The following TREH variants were observed in gnomAD, a reference collection of about 807,000 sequenced individuals.
The protein encoded by TREH is alpha,alpha-trehalose glucohydrolase.
TREH carries 69 observed loss-of-function variants against 80.5 expected under a neutral mutation model. That is an observed-to-expected ratio of 0.86 (90% CI 0.71 to 1.05). The LOEUF is 1.05. Ranked by LOEUF, TREH falls within the 50% of genes least tolerant of loss-of-function variation. The probability of loss-of-function intolerance (pLI) is 0.00; values close to 1 mark genes in which losing one functional copy is unlikely to be tolerated. For missense variants in TREH, 716 were observed against 718.8 expected, an observed-to-expected ratio of 1.00 and a Z score of 0.04; for synonymous variants, 309 against 293.5, an observed-to-expected ratio of 1.05 and a Z score of -0.54.
At chr11:118,658,613 CG>C in intron 14 of TREH, 66 bp downstream of exon 14, 1 of 1,544,300 alleles carries the variant, frequency 6.5e-7, no homozygotes, top group Non-Finnish European at 8.8e-7. Flanking sequence ...AGGCCTGGGG[CG>C]GGGGTCATGA....
In TREH at chr11:118,661,241, G is replaced by C; in HGVS notation, c.776C>G (p.Thr259Ser). The C allele has an allele frequency of 3.1e-6, 5 of 1,613,960 alleles. No individual in the cohort carries two copies. Among genetic ancestry groups the C allele is most frequent in the Non-Finnish European group, 4.2e-6 (5 of 1,179,874 alleles). The change falls in exon 8 of 15, where the codon ACC becomes AGC. Residue 259 changes from threonine to serine, a missense_variant. Transcript: ENST00000264029. The surrounding 1 kb of genome is among the most constrained non-coding windows in gnomAD (Gnocchi z 4.2). ...GCTCACAGAGACAGTCCTGTTCTTG[G>C]TCCAAAAGTCCAATTCCAAGGCTAG... Reference protein sequence around the residue: ...ETLALELDFWTKNRTVSVSLE... With the variant: ...ETLALELDFWSKNRTVSVSLE...
At chr11:118,669,441 C>T (rs1227687364) in intron 1 of TREH, among the ~76,000 whole-genome samples, 1 of 152,222 alleles carries the variant, frequency 6.6e-6, no homozygotes, top group Non-Finnish European at 1.5e-5. Context: ...TTGGAAGCAA[C>T]CTAAGTGTCC....
At chr11:118,669,891 T>C (rs919843367) in intron 1 of TREH, among the ~76,000 whole-genome samples, 3 of 152,144 alleles carry the variant, frequency 2.0e-5, no homozygotes, top group Non-Finnish European at 4.4e-5. Flanking sequence ...GATAAATGCT[T>C]GAGGTGGTGG....
chr11:118,667,354 AT>A (rs11307172), intron 1 of TREH, among the ~76,000 whole-genome samples: 149,759 of 152,008 alleles, frequency 0.99, 73,781 homozygotes, highest in African/African-American at 0.99. Context: ...AATTTTTTCT[AT>A]TTTTTTTGTA....
chr11:118,668,506 GAGCCGTGATTGTGCT>G (rs1555145880), intron 1 of TREH, among the ~76,000 whole-genome samples: 1 of 120,300 alleles, frequency 8.3e-6, no homozygotes, highest in Non-Finnish European at 1.6e-5. Flanking sequence ...AGAGGTTGCA[GAGCCGTGATTGTGCT>G]GCCGTACTCC....
intron 1 of TREH, among the ~76,000 whole-genome samples, chr11:118,671,696 G>A (rs958121407): frequency 2.0e-5 from 3 of 152,026 alleles, no homozygotes; most frequent in African/African-American, 7.2e-5. Flanking sequence ...AGAACAAGAA[G>A]GTTATAGAAC....
chr11:118,658,838 C>T lies in TREH; in HGVS notation c.1545+67G>A, dbSNP rs2276063. ...GAAGCTGCTCTGCCTGCCCAGCAGCCCCTGCAGTGCTCAGGAGTGGCCACT... is the reference window on the plus strand; with the variant it reads ...GAAGCTGCTCTGCCTGCCCAGCAGCTCCTGCAGTGCTCAGGAGTGGCCACT... On this transcript the variant is annotated intron_variant, in intron 13 of 14. Transcript: ENST00000264029. 411 of 1,606,394 alleles carry T rather than the reference C, an allele frequency of 2.6e-4. 4 individuals carry two copies. The East Asian group carries it at 9.0e-3, about 35-fold the overall frequency.
intron 11 of TREH, 91 bp downstream of exon 11, chr11:118,659,656 G>A (rs573627789): frequency 1.3e-4 from 194 of 1,471,796 alleles, no homozygotes; most frequent in Non-Finnish European, 1.7e-4. Context: ...GGGCATAGCC[G>A]GAGGAAGCGC....
intron 10 of TREH, 120 bp downstream of exon 10, chr11:118,660,419 G>A (rs1433600055): frequency 1.4e-5 from 14 of 1,024,340 alleles, no homozygotes; most frequent in East Asian, 2.6e-5. Flanking sequence ...CCACTAGGGC[G>A]GGGCTCGACA....
rs782181800 is a variant in TREH, at chr11:118,658,909, T to G, written c.1541A>C (p.Glu514Ala). The G allele has an allele frequency of 9.3e-6, 15 of 1,613,886 alleles. No homozygotes were observed. The change falls in exon 13 of 15, where the codon GAG (glutamate) becomes GCG (alanine). Residue 514 changes from glutamate (E) to alanine (A), a missense_variant. Coordinates refer to ENST00000264029, the MANE Select transcript of TREH (RefSeq NM_007180.3). ...DVYSQKSAMYEKYDVSNGGQP... is the reference protein window; with the variant it reads ...DVYSQKSAMYAKYDVSNGGQP... ...GGAGGGCTTGGGCCAGCTCACCTTC[T>G]CATACATGGCTGACTTCTGCGAGTA... is the stretch of plus-strand genomic sequence containing the variant.
intron 1 of TREH, among the ~76,000 whole-genome samples, chr11:118,675,728 G>A (rs1293667959): frequency 6.6e-6 from 1 of 152,170 alleles, no homozygotes; most frequent in African/African-American, 2.4e-5. Flanking sequence ...TGTTGAGACA[G>A]GGTCTCACTC....
At position 118,658,194 on chromosome 11, in the gene TREH, G is replaced by A. The variant is rs1949227078; in HGVS notation, c.*95C>T. The A allele has an allele frequency of 2.7e-6, 4 of 1,475,366 alleles. No homozygotes were observed. Among genetic ancestry groups the A allele is most frequent in the Admixed American group, 4.2e-5 (2 of 47,300 alleles). The allele number at this position is 1,475,366 out of a possible 1,614,324, so 91.4% of individuals were successfully genotyped here. On this transcript the variant is annotated 3_prime_UTR_variant, in exon 15 of 15. Coordinates refer to ENST00000264029, the MANE Select transcript of TREH (RefSeq NM_007180.3). ...TCCACTTCGCTCTGAGGACAGGCTGGGAGGTAGGAGGGCATGAAGAGGCAG... is the reference window on the plus strand; with the variant it reads ...TCCACTTCGCTCTGAGGACAGGCTGAGAGGTAGGAGGGCATGAAGAGGCAG...
chr11:118,661,476 G>A lies in TREH; in HGVS notation c.651C>T (p.Tyr217=). The change falls in exon 7 of 15, where the codon TAC becomes TAT. Residue 217 remains tyrosine, a synonymous_variant. Coordinates refer to ENST00000264029, the MANE Select transcript of TREH (RefSeq NM_007180.3). The surrounding 1 kb of genome is among the most constrained non-coding windows in gnomAD (Gnocchi z 4.2). ...YGHVPNGGRV[Y]YLQRSQPPLL... ...GTGGGGGCTGGCTCCGCTGCAGGTA[G>A]TACACGCGCCCACCATTGGGGACAT... The A allele has an allele frequency of 6.2e-7, 1 of 1,613,774 alleles. No individual in the cohort carries two copies.
intron 1 of TREH, among the ~76,000 whole-genome samples, chr11:118,666,929 C>A (rs942817033): frequency 6.6e-6 from 1 of 152,124 alleles, no homozygotes; most frequent in African/African-American, 2.4e-5. Context: ...GTTGCCCAGG[C>A]TGGAGTACAA....
rs187027060 is a variant in TREH, at chr11:118,674,794, T to G, written c.89+4745A>C. On this transcript the variant is annotated intron_variant, in intron 1 of 14. Coordinates refer to ENST00000264029, the MANE Select transcript of TREH (RefSeq NM_007180.3). The surrounding 1 kb of genome is among the most constrained non-coding windows in gnomAD (Gnocchi z 4.4). ...TGATCTCAGATGATCCACCCACCTCTGCCTCCCAAAGTGCTGGGATTACAG... is the reference window on the plus strand; with the variant it reads ...TGATCTCAGATGATCCACCCACCTCGGCCTCCCAAAGTGCTGGGATTACAG... 2.6e-5 allele frequency among the ~76,000 whole-genome samples: 4 copies of G among 152,228 alleles called. No homozygotes were observed. The East Asian group carries it at 7.7e-4, about 29-fold the overall frequency.
chr11:118,671,578 A>T (rs1268337341), intron 1 of TREH, among the ~76,000 whole-genome samples: 1 of 152,142 alleles, frequency 6.6e-6, no homozygotes, highest in African/African-American at 2.4e-5. Context: ...CAAATCTAAG[A>T]CTTATTGTAC....
chr11:118,667,781 G>T (rs993015739), intron 1 of TREH, among the ~76,000 whole-genome samples: 1 of 152,110 alleles, frequency 6.6e-6, no homozygotes, highest in African/African-American at 2.4e-5. Context: ...GATAGAAAAG[G>T]CTCTAAGGGA....
chr11:118,671,386 A>T, intron 1 of TREH, among the ~76,000 whole-genome samples: 1 of 152,252 alleles, frequency 6.6e-6, no homozygotes, highest in East Asian at 1.9e-4. Context: ...TGAAAAATGC[A>T]ATTGGCATAC....
rs1478638780 is a variant in TREH, at chr11:118,659,949, G to T, written c.1118C>A (p.Ala373Asp). Reference protein sequence around the residue: ...FYSRLGNDSQATKYRILRSQR... With the variant: ...FYSRLGNDSQDTKYRILRSQR... ...CGACCGCAGGATTCTGTACTTCGTGGCCTGGGAGTCGTTCCCTGGGGCAGT... is the reference window on the plus strand; with the variant it reads ...CGACCGCAGGATTCTGTACTTCGTGTCCTGGGAGTCGTTCCCTGGGGCAGT... The change falls in exon 11 of 15, where the codon GCC becomes GAC. Residue 373 changes from alanine (A) to aspartate (D), a missense_variant. Physicochemically the swap from Ala to Asp is moderately radical, Grantham distance 126. Coordinates refer to ENST00000264029, the MANE Select transcript of TREH (RefSeq NM_007180.3). The T allele has an allele frequency of 3.2e-6, 5 of 1,551,328 alleles. No individual in the cohort carries two copies. The highest frequency in any genetic ancestry group is 4.4e-6 in the Non-Finnish European group (5 of 1,147,010).
Sources: allele counts gnomAD v4.1 joint callset (sites outside exome capture counted in the v4.1 genomes callset), GRCh38; gene constraint gnomAD v4.1.1; non-coding constraint Gnocchi (gnomAD v3.1); transcripts MANE v1.5; gene names NCBI Gene and HGNC (gene_info 2026-07-23, HGNC 2026-07-21).